Variants in TRMU observed in about 807,000 individuals in gnomAD.
TRMU encodes mitochondrial tRNA-specific 2-thiouridylase 1.
A neutral mutation model predicts 46.9 loss-of-function variants in TRMU; 49 were observed. That is an observed-to-expected ratio of 1.05 (90% confidence interval 0.83 to 1.33). The LOEUF is 1.33. TRMU is among the 40% of genes most tolerant of loss of function. The pLI, the probability that TRMU is intolerant of heterozygous loss-of-function variation, is 0.00. For synonymous variants in TRMU, 241 were observed against 200.9 expected, an observed-to-expected ratio of 1.20 and a Z score of -1.69; for missense variants, 572 against 532.4, an observed-to-expected ratio of 1.07 and a Z score of -0.73.
In TRMU at chr22:46,348,423, ATTC is replaced by A. The variant is rs1205727803; in HGVS notation, c.479-1861_479-1859del. On this transcript the variant is annotated intron_variant, in intron 4 of 10. Transcript: ENST00000645190. This position sits in a 1 kb window ranked among gnomAD's most constrained non-coding sequence, Gnocchi z 4.8. ...GTAGGCACACTAAGGTTTCCATTTC[ATTC>A]TTCTTCAGTTGCCCTGGCCCAGCCT... is the stretch of plus-strand genomic sequence containing the variant. 2.4e-4 allele frequency among the ~76,000 whole-genome samples: 36 copies of A among 152,210 alleles called. No individual in the cohort carries two copies. The highest frequency in any genetic ancestry group is 8.2e-4 in the African/African-American group (34 of 41,534).
intron 10 of TRMU, chr22:46,356,583 T>TG (rs893821101): frequency 1.3e-5 from 7 of 547,394 alleles, no homozygotes; most frequent in African/African-American, 1.1e-4. Context: ...GCCAGTCCCT[T>TG]GGAGTCCCAG....
At chr22:46,337,965 A>G in intron 2 of TRMU, 21 bp downstream of exon 2, 2 of 1,614,008 alleles carry the variant, frequency 1.2e-6, no homozygotes, top group South Asian at 2.2e-5. Context: ...GTCACAGCAC[A>G]AAGGAAGCTT....
intron 8 of TRMU, chr22:46,354,608 G>T (rs775668622): frequency 6.6e-6 from 1 of 152,626 alleles, no homozygotes; most frequent in Non-Finnish European, 1.5e-5. Flanking sequence ...AGACGGAGGC[G>T]GGGGCCAGCA....
At chr22:46,337,973 C>T (rs751003620) in intron 2 of TRMU, 29 bp downstream of exon 2, 8 of 1,613,654 alleles carry the variant, frequency 5.0e-6, no homozygotes, top group East Asian at 2.2e-5. Context: ...ACAAAGGAAG[C>T]TTCCTCACAC....
intron 8 of TRMU, 130 bp from the exon 9 acceptor site, chr22:46,355,309 ACACTT>A: frequency 7.3e-7 from 1 of 1,365,658 alleles, no homozygotes; most frequent in Non-Finnish European, 1.0e-6. Context: ...TGTGGGTAGA[ACACTT>A]CGAGCGGTGC....
At chr22:46,355,257 A>T in intron 8 of TRMU, 187 bp from the exon 9 acceptor site, 2 of 852,768 alleles carry the variant, frequency 2.3e-6, no homozygotes, top group Admixed American at 4.4e-5. Flanking sequence ...CTCATCTGTA[A>T]AATGGGGATT....
At position 46,357,179 on chromosome 22, in the gene TRMU, C is replaced by A; in HGVS notation, c.*173C>A. 1 of 857,860 alleles carries A rather than the reference C, an allele frequency of 1.2e-6. No homozygotes were observed. The highest frequency in any genetic ancestry group is 1.6e-5 in the South Asian group (1 of 64,286). The allele number at this position is 857,860 out of a possible 1,614,324, so 53.1% of individuals were successfully genotyped here. ...CGGCGAGCCCCAGGAAGAGCCTCAG[C>A]TCCAGGCTGGGGCTCTGGCTGCTGG... On this transcript the variant is annotated 3_prime_UTR_variant, in exon 11 of 11. Coordinates refer to ENST00000645190, the MANE Select transcript of TRMU (RefSeq NM_018006.5).
At position 46,351,116 on chromosome 22, in the gene TRMU, AACCTGAG is replaced by A. The variant is rs965487710; in HGVS notation, c.651+660_651+666del. Among the ~76,000 whole-genome samples, 1 of 152,176 alleles carries A rather than the reference AACCTGAG, an allele frequency of 6.6e-6. No homozygotes were observed. The highest frequency in any genetic ancestry group is 2.4e-5 in the African/African-American group (1 of 41,452). ...AACGGCCTCAAAAGAAGTCACATGG[AACCTGAG>A]ACCTGAAGGAGGAGAGGATCCGGTG... On this transcript the variant is annotated intron_variant, in intron 5 of 10. Transcript: ENST00000645190. The surrounding 1 kb of genome is among the most constrained non-coding windows in gnomAD (Gnocchi z 6.4).
rs1219183637 is a variant in TRMU, at chr22:46,347,609, C to CA, written c.478+1068dup. On this transcript the variant is annotated intron_variant, in intron 4 of 10. Transcript: ENST00000645190. The surrounding 1 kb of genome is among the most constrained non-coding windows in gnomAD (Gnocchi z 5.0). Reference sequence around the variant, plus strand: ...AAGCGATCCTCCCACCTCGGCCTCTCAAAGTGTTGGGATTACAGGTGTGAG... The same window carrying CA: ...AAGCGATCCTCCCACCTCGGCCTCTCAAAAGTGTTGGGATTACAGGTGTGAG... The CA allele has an allele frequency of 6.6e-6, 1 of 152,450 alleles. No individual in the cohort carries two copies. Among genetic ancestry groups the CA allele is most frequent in the Non-Finnish European group, 1.5e-5 (1 of 68,250 alleles). 9.4% of individuals were successfully genotyped at this position (152,450 alleles called of 1,614,324 possible). A position where few individuals can be genotyped will look rare whatever the true frequency, so the allele number is the denominator to read the frequency against.
Position 46,351,788 on chromosome 22 carries a change from C to T in TRMU, c.652-333C>T, listed in dbSNP as rs918367204. 7.0e-5 allele frequency: 30 copies of T among 429,032 alleles called. No individual in the cohort carries two copies. The highest frequency in any genetic ancestry group is 2.1e-4 in the Admixed American group (6 of 28,464). The allele number at this position is 429,032 out of a possible 1,614,324, so 26.6% of individuals were successfully genotyped here. A position where few individuals can be genotyped will look rare whatever the true frequency, so the allele number is the denominator to read the frequency against. On this transcript the variant is annotated intron_variant, in intron 5 of 10. Coordinates refer to ENST00000645190, the MANE Select transcript of TRMU (RefSeq NM_018006.5). This position sits in a 1 kb window ranked among gnomAD's most constrained non-coding sequence, Gnocchi z 6.4. ...CTGGCTTTCCTGCTACCTGCCCCTTCTCTGGTCCCTGTCTCTCCCCCACTC... is the reference window on the plus strand; with the variant it reads ...CTGGCTTTCCTGCTACCTGCCCCTTTTCTGGTCCCTGTCTCTCCCCCACTC...
chr22:46,356,385 G>A (rs578174959), intron 10 of TRMU: 2 of 463,650 alleles, frequency 4.3e-6, no homozygotes, highest in South Asian at 4.5e-5. Context: ...AAGAGGCAGA[G>A]GGTCGGGGCC....
Position 46,348,330 on chromosome 22 carries a change from T to C in TRMU, c.478+1786T>C, listed in dbSNP as rs2078312971. ...GGAAACTTGGGACAGTACTGATGCG[T>C]TCTGTTGAGTGCGTTTGGCATGTGG... On this transcript the variant is annotated intron_variant, in intron 4 of 10. Coordinates refer to ENST00000645190, the MANE Select transcript of TRMU (RefSeq NM_018006.5). This position sits in a 1 kb window ranked among gnomAD's most constrained non-coding sequence, Gnocchi z 4.8. Among the ~76,000 whole-genome samples, 1 of 152,216 alleles carries C rather than the reference T, an allele frequency of 6.6e-6. No individual in the cohort carries two copies. The highest frequency in any genetic ancestry group is 1.5e-5 in the Non-Finnish European group (1 of 68,032).
intron 2 of TRMU, among the ~76,000 whole-genome samples, chr22:46,340,851 G>A (rs939681887): frequency 6.6e-6 from 1 of 152,232 alleles, no homozygotes; most frequent in Admixed American, 6.5e-5. Context: ...GGAGGCGGCC[G>A]GGTAGAGTCT....
rs929365397 is a variant in TRMU, at chr22:46,347,962, T to G, written c.478+1418T>G. Among the ~76,000 whole-genome samples, 20 of 152,178 alleles carry G rather than the reference T, an allele frequency of 1.3e-4. No individual in the cohort carries two copies. Among genetic ancestry groups the G allele is most frequent in the Admixed American group, 2.6e-4 (4 of 15,278 alleles). On this transcript the variant is annotated intron_variant, in intron 4 of 10. Transcript: ENST00000645190. The surrounding 1 kb of genome is among the most constrained non-coding windows in gnomAD (Gnocchi z 5.0). Reference sequence around the variant, plus strand: ...GCCGCCCTCTGTTCCCTCCTCGCCTTCCTTCCTTATGCCACAGGGTGATCA... The same window carrying G: ...GCCGCCCTCTGTTCCCTCCTCGCCTGCCTTCCTTATGCCACAGGGTGATCA...
intron 7 of TRMU, chr22:46,352,982 G>A (rs2078480480): frequency 1.2e-5 from 2 of 168,314 alleles, no homozygotes; most frequent in South Asian, 1.5e-4. Flanking sequence ...CTGTGGGACT[G>A]GCCAGGAGAG....
At position 46,336,130 on chromosome 22, in the gene TRMU, G is replaced by T. The variant is rs902392357; in HGVS notation, c.82+284G>T. The T allele has an allele frequency of 3.0e-6, 4 of 1,328,530 alleles. No homozygotes were observed. The African/African-American group carries it at 4.7e-5, about 16-fold the overall frequency. 82.3% of individuals were successfully genotyped at this position (1,328,530 alleles called of 1,614,324 possible). ...CAGTGAGAAGCCGGCGGGCCGGGGT[G>T]GGGTGGGGAGGGAAGGGTTTCTCAC... On this transcript the variant is annotated intron_variant, in intron 1 of 10. Transcript: ENST00000645190. The surrounding 1 kb of genome is among the most constrained non-coding windows in gnomAD (Gnocchi z 4.1).
rs2147074095 is a variant in TRMU at position 46,349,576 on chromosome 22, T to C, written c.479-715T>C. On this transcript the variant is annotated intron_variant, in intron 4 of 10. Coordinates refer to ENST00000645190, the MANE Select transcript of TRMU (RefSeq NM_018006.5). The surrounding 1 kb of genome is among the most constrained non-coding windows in gnomAD (Gnocchi z 4.6). ...GCCAGAAAACTGACGTTCGTCTTAG[T>C]TTTTTGCCATTGATCATTGAACTCG... Among the ~76,000 whole-genome samples the C allele has an allele frequency of 6.6e-6, 1 of 152,346 alleles. No individual in the cohort carries two copies. Among genetic ancestry groups the C allele is most frequent in the East Asian group, 1.9e-4 (1 of 5,178 alleles).
intron 8 of TRMU, chr22:46,354,608 G>C (rs775668622): frequency 6.6e-6 from 1 of 152,626 alleles, no homozygotes; most frequent in Admixed American, 6.5e-5. Flanking sequence ...AGACGGAGGC[G>C]GGGGCCAGCA....
rs1362467274 is a variant in TRMU at position 46,342,826 on chromosome 22, T to C, written c.249-436T>C. Among the ~76,000 whole-genome samples, 4 of 152,272 alleles carry C rather than the reference T, an allele frequency of 2.6e-5. No individual in the cohort carries two copies. The highest frequency in any genetic ancestry group is 1.3e-4 in the Admixed American group (2 of 15,286). Reference sequence around the variant, plus strand: ...TACAAAAATTATCTGGGCATGGTGCTGCGCACCTGTAATCACAGCTATTCG... The same window carrying C: ...TACAAAAATTATCTGGGCATGGTGCCGCGCACCTGTAATCACAGCTATTCG... On this transcript the variant is annotated intron_variant, in intron 2 of 10. Coordinates refer to ENST00000645190, the MANE Select transcript of TRMU (RefSeq NM_018006.5). The surrounding 1 kb of genome is among the most constrained non-coding windows in gnomAD (Gnocchi z 4.7).
Sources: allele counts gnomAD v4.1 joint callset (sites outside exome capture counted in the v4.1 genomes callset), GRCh38; gene constraint gnomAD v4.1.1; non-coding constraint Gnocchi (gnomAD v3.1); transcripts MANE v1.5; gene names NCBI Gene and HGNC (gene_info 2026-07-23, HGNC 2026-07-21).